GALNTL6: variants seen among roughly 807,000 people sequenced by gnomAD.
GALNTL6 encodes the protein polypeptide N-acetylgalactosaminyltransferase-like 6.
A neutral mutation model predicts 73.7 loss-of-function variants in GALNTL6; 46 were observed. The observed-to-expected ratio is 0.62, with a 90% confidence interval of 0.49 to 0.80. The LOEUF (loss-of-function observed/expected upper bound fraction) is 0.80. Among genes scored for constraint, GALNTL6 ranks in the 30% least tolerant of loss-of-function variants. The pLI, the probability that GALNTL6 is intolerant of heterozygous loss-of-function variation, is 0.00. For missense variants in GALNTL6, 604 were observed against 755.0 expected (o/e 0.80, Z 2.34); for synonymous variants, 259 against 263.7 (o/e 0.98, Z 0.17).
intron 10 of GALNTL6, among the ~76,000 whole-genome samples, chr4:172,953,186 T>C (rs569018658): frequency 1.3e-5 from 2 of 152,206 alleles, no homozygotes; most frequent in Non-Finnish European, 2.9e-5. Flanking sequence ...TAGCCCCAGG[T>C]CCCAAATTTA....
chr4:172,625,144 T>TA (rs1307897273), intron 5 of GALNTL6, among the ~76,000 whole-genome samples: 3 of 151,770 alleles, frequency 2.0e-5, no homozygotes, highest in Non-Finnish European at 2.9e-5. Flanking sequence ...TATAGGGACA[T>TA]AAAAAAAACT....
chr4:171,894,109 G>A (rs1443411082), intron 2 of GALNTL6, among the ~76,000 whole-genome samples: 2 of 152,058 alleles, frequency 1.3e-5, no homozygotes, highest in Middle Eastern at 3.2e-3. Flanking sequence ...TAAAATAATC[G>A]GATGTAGTAT....
intron 5 of GALNTL6, among the ~76,000 whole-genome samples, chr4:172,747,715 C>T (rs562018369): frequency 1.3e-5 from 2 of 151,972 alleles, no homozygotes; most frequent in South Asian, 2.1e-4. Context: ...TGTATGCACC[C>T]CCATGTTCAT....
intron 5 of GALNTL6, among the ~76,000 whole-genome samples, chr4:172,524,424 T>C (rs1202734166): frequency 6.6e-6 from 1 of 152,124 alleles, no homozygotes; most frequent in Non-Finnish European, 1.5e-5. Context: ...AATGTTTTTG[T>C]ATTTTTAGTA....
intron 2 of GALNTL6, among the ~76,000 whole-genome samples, chr4:171,933,573 T>C (rs1362212997): frequency 1.3e-5 from 2 of 152,230 alleles, no homozygotes; most frequent in East Asian, 3.9e-4. Context: ...AGATATATAG[T>C]TTATTAGGGA....
At chr4:172,483,775 C>A (rs1208269614) in intron 5 of GALNTL6, among the ~76,000 whole-genome samples, 1 of 152,018 alleles carries the variant, frequency 6.6e-6, no homozygotes, top group Admixed American at 6.6e-5. Context: ...GAAATGACTG[C>A]AACCTACAAC....
intron 5 of GALNTL6, among the ~76,000 whole-genome samples, chr4:172,390,366 G>C (rs1037764380): frequency 5.9e-5 from 9 of 152,172 alleles, no homozygotes; most frequent in African/African-American, 2.2e-4. Flanking sequence ...ACTCATGCTT[G>C]TGTTCTCTGC....
chr4:172,742,103 A>G (rs1703121736), intron 5 of GALNTL6, among the ~76,000 whole-genome samples: 1 of 152,020 alleles, frequency 6.6e-6, no homozygotes, highest in Non-Finnish European at 1.5e-5. Context: ...TGATACATGT[A>G]ATTTCTTTCT....
chr4:171,941,556 T>C (rs1156258435), intron 2 of GALNTL6, among the ~76,000 whole-genome samples: 1 of 152,206 alleles, frequency 6.6e-6, no homozygotes, highest in Non-Finnish European at 1.5e-5. Flanking sequence ...TAATGCCAGT[T>C]GTGTCATCAC....
intron 8 of GALNTL6, among the ~76,000 whole-genome samples, chr4:172,897,065 A>T (rs1579624774): frequency 6.6e-6 from 1 of 152,230 alleles, no homozygotes; most frequent in East Asian, 1.9e-4. Flanking sequence ...CTTGGTTCAG[A>T]AAGGCAAACA....
In GALNTL6 at chr4:172,068,001, G is replaced by A. The variant is rs141262887; in HGVS notation, c.139-161655G>A. Among the ~76,000 whole-genome samples the A allele has an allele frequency of 1.9e-5, 2 of 104,210 alleles. 1 individual carries two copies. Among genetic ancestry groups the A allele is most frequent in the Non-Finnish European group, 4.2e-5 (2 of 47,310 alleles). The allele number at this position is 104,210 out of a possible 152,430, so 68.4% of individuals were successfully genotyped here. A position where few individuals can be genotyped will look rare whatever the true frequency, so the allele number is the denominator to read the frequency against. ...GTATGGTAATGCTGAGTTCACCAAA[G>A]TTTATCTCCAACTCTGACATCTCTG... On this transcript the variant is annotated intron_variant, in intron 2 of 12. Transcript: ENST00000506823.
chr4:172,099,169 A>G (rs939296102), intron 2 of GALNTL6, among the ~76,000 whole-genome samples: 4 of 152,144 alleles, frequency 2.6e-5, no homozygotes, highest in Admixed American at 2.0e-4. Context: ...AACATGCTAT[A>G]TATTCCCATT....
At chr4:172,815,466 C>T (rs1244741821) in intron 7 of GALNTL6, among the ~76,000 whole-genome samples, 1 of 152,146 alleles carries the variant, frequency 6.6e-6, no homozygotes, top group Non-Finnish European at 1.5e-5. Flanking sequence ...CTAGAACTCA[C>T]CCAGGCTGGC....
At chr4:172,565,997 A>G (rs1283894079) in intron 5 of GALNTL6, among the ~76,000 whole-genome samples, 2 of 152,182 alleles carry the variant, frequency 1.3e-5, no homozygotes, top group African/African-American at 2.4e-5. Flanking sequence ...AAGATATAAA[A>G]ATTATAAATA....
At chr4:172,542,070 G>A (rs1485070263) in intron 5 of GALNTL6, among the ~76,000 whole-genome samples, 1 of 151,726 alleles carries the variant, frequency 6.6e-6, no homozygotes, top group Non-Finnish European at 1.5e-5. Flanking sequence ...GAGTTTAGGA[G>A]TAGAGCTTTA....
At chr4:172,918,194 A>T (rs868852465) in intron 8 of GALNTL6, among the ~76,000 whole-genome samples, 4 of 152,096 alleles carry the variant, frequency 2.6e-5, no homozygotes, top group Non-Finnish European at 5.9e-5. Context: ...AACAATGAGA[A>T]CACTTGGACA....
chr4:171,953,775 A>C (rs766889477), intron 2 of GALNTL6, among the ~76,000 whole-genome samples: 4 of 152,198 alleles, frequency 2.6e-5, no homozygotes, highest in Non-Finnish European at 5.9e-5. Flanking sequence ...ATATTTTTAT[A>C]TTCCACAGAT....
Position 173,041,027 on chromosome 4 carries a change from A to G in GALNTL6, c.*927A>G, listed in dbSNP as rs1215914835. Reference sequence around the variant, plus strand: ...TAATTTTTATTAAGCAAGGAAATGGAGTGAGTTTGATGTAATTTGTTTAGG... The same window carrying G: ...TAATTTTTATTAAGCAAGGAAATGGGGTGAGTTTGATGTAATTTGTTTAGG... On this transcript the variant is annotated 3_prime_UTR_variant, in exon 13 of 13. Transcript: ENST00000506823. 4 of 152,258 alleles carry G rather than the reference A, an allele frequency of 2.6e-5. No homozygotes were observed. The highest frequency in any genetic ancestry group is 9.7e-5 in the African/African-American group (4 of 41,430). The allele number at this position is 152,258 out of a possible 1,614,324, so 9.4% of individuals were successfully genotyped here. A position where few individuals can be genotyped will look rare whatever the true frequency, so the allele number is the denominator to read the frequency against.
intron 2 of GALNTL6, among the ~76,000 whole-genome samples, chr4:171,979,827 AC>A (rs33976512): frequency 0.9 from 136,581 of 152,126 alleles, 62,798 homozygotes; most frequent in Non-Finnish European, 1. Context: ...TGCCAATATT[AC>A]CCCCAATCTG....
Sources: gnomAD v4.1 joint callset for allele counts (sites outside exome capture counted in the v4.1 genomes callset) on GRCh38, gnomAD v4.1.1 for gene constraint, MANE v1.5 for transcripts, NCBI Gene and HGNC (gene_info 2026-07-23, HGNC 2026-07-21) for gene names.